Variants in LRRK1 observed in about 807,000 individuals in gnomAD.
LRRK1 encodes the protein leucine rich repeat kinase 1.
A neutral mutation model predicts 209.1 loss-of-function variants in LRRK1; 113 were observed. The ratio of observed to expected loss-of-function variants is 0.54; its 90% confidence interval spans 0.46 to 0.63. The LOEUF (loss-of-function observed/expected upper bound fraction) is 0.63. Among genes scored for constraint, LRRK1 ranks in the 30% least tolerant of loss-of-function variants. The pLI, the probability that LRRK1 is intolerant of heterozygous loss-of-function variation, is 0.00. For synonymous variants in LRRK1, 1,144 were observed against 1,099.7 expected (o/e 1.04, Z -0.80); for missense variants, 2,284 against 2,632.2 (o/e 0.87, Z 2.89).
intron 2 of LRRK1, among the ~76,000 whole-genome samples, chr15:100,933,152 G>A (rs2042240338): frequency 6.6e-6 from 1 of 152,190 alleles, no homozygotes. Flanking sequence ...CCTCTCCTGC[G>A]ATCTCAATTG....
chr15:100,999,698 G>T (rs1205915452), intron 6 of LRRK1, among the ~76,000 whole-genome samples: 1 of 152,156 alleles, frequency 6.6e-6, no homozygotes, highest in Non-Finnish European at 1.5e-5. Context: ...TAGGAGACTT[G>T]GGGAGCTGAT....
At chr15:101,004,559 G>A (rs1481221129) in intron 6 of LRRK1, among the ~76,000 whole-genome samples, 3 of 152,204 alleles carry the variant, frequency 2.0e-5, no homozygotes, top group Non-Finnish European at 4.4e-5. Flanking sequence ...TCCGGGTTCC[G>A]GTTGGCCATG....
intron 21 of LRRK1, 82 bp downstream of exon 21, chr15:101,046,234 G>T: frequency 6.9e-7 from 1 of 1,441,680 alleles, no homozygotes; most frequent in Non-Finnish European, 9.5e-7. Flanking sequence ...AATGCCCTTT[G>T]CTGGGGGGCC....
At chr15:100,993,188 A>G (rs1336865868) in intron 6 of LRRK1, among the ~76,000 whole-genome samples, 2 of 152,204 alleles carry the variant, frequency 1.3e-5, no homozygotes, top group African/African-American at 4.8e-5. Flanking sequence ...CACGTAGCAA[A>G]CGCCTAATAG....
At position 101,003,562 on chromosome 15, in the gene LRRK1, A is replaced by G. The variant is rs576035766; in HGVS notation, c.763-5275A>G. 2.9e-4 allele frequency among the ~76,000 whole-genome samples: 44 copies of G among 152,340 alleles called. 1 individual carries two copies. The highest frequency in any genetic ancestry group is 5.0e-4 in the Non-Finnish European group (34 of 68,026). On this transcript the variant is annotated intron_variant, in intron 6 of 33. Coordinates refer to ENST00000388948, the MANE Select transcript of LRRK1 (RefSeq NM_024652.6). Reference sequence around the variant, plus strand: ...GCAGAAGGTGAAAGACACGTCTTACATGGCAGCAGGCAAGAGAGAGAATGA... The same window carrying G: ...GCAGAAGGTGAAAGACACGTCTTACGTGGCAGCAGGCAAGAGAGAGAATGA...
At chr15:100,928,083 A>G (rs889661934) in intron 2 of LRRK1, among the ~76,000 whole-genome samples, 1 of 152,250 alleles carries the variant, frequency 6.6e-6, no homozygotes, top group Non-Finnish European at 1.5e-5. Context: ...GTTTCCTGCA[A>G]TATCTACACA....
chr15:101,062,967 G>A (rs1481398752), intron 31 of LRRK1, among the ~76,000 whole-genome samples: 1 of 152,176 alleles, frequency 6.6e-6, no homozygotes, highest in East Asian at 1.9e-4. Flanking sequence ...TGGAAGGACT[G>A]TTGGTACAAA....
At chr15:100,996,173 A>G (rs2032400207) in intron 6 of LRRK1, among the ~76,000 whole-genome samples, 1 of 152,266 alleles carries the variant, frequency 6.6e-6, no homozygotes, top group South Asian at 2.1e-4. Flanking sequence ...CTTAGATAGG[A>G]CCTCACATTT....
rs750873691 is a variant in LRRK1 at position 101,051,757 on chromosome 15, C to T, written c.3486C>T (p.Tyr1162=). ...ESDGTPLMEQ[Y]VPCPVCETAW... is the part of the protein sequence containing the mutation. ...ACGGGACGCCACTCATGGAGCAGTA[C>T]GTGCCCTGCCCGGTCTGCGAGACAG... Residue 1162 remains tyrosine, a synonymous_variant, in exon 24 of 34, where the codon TAC becomes TAT. Transcript: ENST00000388948. The T allele has an allele frequency of 1.0e-4, 168 of 1,613,898 alleles. No homozygotes were observed. Among genetic ancestry groups the T allele is most frequent in the Admixed American group, 2.3e-4 (14 of 60,010 alleles).
Position 101,066,051 on chromosome 15 carries a change from T to G in LRRK1, c.5614T>G (p.Ser1872Ala). The part of the protein sequence containing the change: ...SPASSSSVPF[S>A]TDCEDSDMLH... Reference sequence around the variant, plus strand: ...AGCAAGTTCTTCCAGTGTGCCTTTCTCCACCGACTGCGAGGACTCAGACAT... The same window carrying G: ...AGCAAGTTCTTCCAGTGTGCCTTTCGCCACCGACTGCGAGGACTCAGACAT... Residue 1872 changes from serine (S) to alanine (A), a missense_variant, in exon 32 of 34, where the codon TCC becomes GCC. Ser to Ala is a moderately conservative substitution (Grantham distance 99). Around this residue, in one of 6 missense-constraint regions of LRRK1, gnomAD observed 643 missense variants for 695.9 expected, o/e 0.92. Coordinates refer to ENST00000388948, the MANE Select transcript of LRRK1 (RefSeq NM_024652.6). 1 of 1,614,030 alleles carries G rather than the reference T, an allele frequency of 6.2e-7. No individual in the cohort carries two copies. The highest frequency in any genetic ancestry group is 8.5e-7 in the Non-Finnish European group (1 of 1,180,016).
chr15:100,956,455 C>CTTTTTTTTTTTTTTTTTTTTTT (rs776326423), intron 2 of LRRK1, among the ~76,000 whole-genome samples: 12 of 60,496 alleles, frequency 2.0e-4, no homozygotes, highest in Non-Finnish European at 2.0e-4. Flanking sequence ...TTTTTTTTTT[C>CTTTTTTTTTTTTTTTTTTTTTT]TTTTTTTTTT....
At chr15:101,056,615 A>G (rs1388061474) in intron 27 of LRRK1, among the ~76,000 whole-genome samples, 1 of 152,136 alleles carries the variant, frequency 6.6e-6, no homozygotes, top group Non-Finnish European at 1.5e-5. Context: ...AAGCAAATGG[A>G]TGGATGGGTG....
intron 20 of LRRK1, among the ~76,000 whole-genome samples, chr15:101,040,744 A>G (rs1056626049): frequency 6.6e-6 from 1 of 152,202 alleles, no homozygotes; most frequent in African/African-American, 2.4e-5. Context: ...ATTTTCTAAT[A>G]TATCTTATAT....
chr15:101,052,699 G>T (rs990067583), intron 24 of LRRK1, among the ~76,000 whole-genome samples: 2 of 152,230 alleles, frequency 1.3e-5, no homozygotes, highest in African/African-American at 4.8e-5. Context: ...GGCCGTTCCT[G>T]TCCTGAGAGC....
intron 12 of LRRK1, among the ~76,000 whole-genome samples, chr15:101,019,962 G>A (rs2033702110): frequency 6.6e-6 from 1 of 152,188 alleles, no homozygotes; most frequent in South Asian, 2.1e-4. Context: ...CTCATAGTGA[G>A]CCTAATTAAT....
chr15:101,027,537 C>T lies in LRRK1; in HGVS notation c.2527-101C>T, dbSNP rs149130216. On this transcript the variant is annotated intron_variant, in intron 18 of 33. Transcript: ENST00000388948. This position sits in a 1 kb window ranked among gnomAD's most constrained non-coding sequence, Gnocchi z 5.1. ...CAGGATGGAAGATAGTGGGTGGAAACGTCCCACCCCCTCAGGCCACAGGGG... is the reference window on the plus strand; with the variant it reads ...CAGGATGGAAGATAGTGGGTGGAAATGTCCCACCCCCTCAGGCCACAGGGG... The T allele has an allele frequency of 2.0e-3, 2,959 of 1,491,416 alleles. 13 individuals carry two copies. Among genetic ancestry groups the T allele is most frequent in the East Asian group, 8.4e-3 (349 of 41,616 alleles). The allele number at this position is 1,491,416 out of a possible 1,614,324, so 92.4% of individuals were successfully genotyped here. A position where few individuals can be genotyped will look rare whatever the true frequency, so the allele number is the denominator to read the frequency against.
chr15:101,052,043 G>A (rs1337249716), intron 24 of LRRK1, 83 bp downstream of exon 24: 3 of 1,521,162 alleles, frequency 2.0e-6, no homozygotes, highest in East Asian at 2.3e-5. Flanking sequence ...TGATCTCCAG[G>A]AAGACCCCTC....
At position 101,077,174 on chromosome 15, in the gene LRRK1, G is replaced by C. The variant is rs2037016132; in HGVS notation, c.*8326G>C. The C allele has an allele frequency of 6.6e-6, 1 of 152,182 alleles. No homozygotes were observed. The highest frequency in any genetic ancestry group is 1.5e-5 in the Non-Finnish European group (1 of 68,032). The allele number at this position is 152,182 out of a possible 1,614,324, so 9.4% of individuals were successfully genotyped here. A position where few individuals can be genotyped will look rare whatever the true frequency, so the allele number is the denominator to read the frequency against. ...CAGGCCTGTCCTTGGAATGCTACAA[G>C]GTACAGCCCATTTGAGCTCCTGTAT... On this transcript the variant is annotated 3_prime_UTR_variant, in exon 34 of 34. Coordinates refer to ENST00000388948, the MANE Select transcript of LRRK1 (RefSeq NM_024652.6).
intron 20 of LRRK1, chr15:101,043,712 G>A (rs1192722184): frequency 6.6e-6 from 1 of 152,204 alleles, no homozygotes; most frequent in African/African-American, 2.4e-5. Context: ...ATGAAGTTGG[G>A]ACGCACAAGT....
Sources: gnomAD v4.1 joint callset for allele counts (sites outside exome capture counted in the v4.1 genomes callset) on GRCh38, gnomAD v4.1.1 for gene constraint, gnomAD v4.1.1 regional missense constraint, Gnocchi (gnomAD v3.1) non-coding constraint, MANE v1.5 for transcripts, NCBI Gene and HGNC (gene_info 2026-07-23, HGNC 2026-07-21) for gene names.